NQO2: variants seen among roughly 807,000 people sequenced by gnomAD.
The protein encoded by NQO2 is ribosyldihydronicotinamide dehydrogenase [quinone].
In NQO2, 18 loss-of-function variants were observed where a neutral mutation model predicts 22.0. The ratio of observed to expected loss-of-function variants is 0.82; its 90% CI spans 0.56 to 1.21. The LOEUF (loss-of-function observed/expected upper bound fraction) is 1.21. Ranked by LOEUF, NQO2 falls within the 50% of genes most tolerant of loss-of-function variation. NQO2 has a pLI of 0.00. For missense variants in NQO2, 267 were observed against 286.9 expected, an observed-to-expected ratio of 0.93 and a Z score of 0.50; for synonymous variants, 106 against 110.8, an observed-to-expected ratio of 0.96 and a Z score of 0.28.
chr6:3,000,658 C>T (rs374576252), intron 1 of NQO2, among the ~76,000 whole-genome samples: 29 of 151,948 alleles, frequency 1.9e-4, no homozygotes, highest in East Asian at 9.7e-4. Flanking sequence ...TCTCCTGCCT[C>T]AGCCTCCCGA....
intron 1 of NQO2, among the ~76,000 whole-genome samples, chr6:3,005,453 G>A (rs554741836): frequency 6.6e-6 from 1 of 152,244 alleles, no homozygotes; most frequent in East Asian, 1.9e-4. Flanking sequence ...TGTGATATGG[G>A]ATCTCATTGT....
At chr6:3,002,095 G>A (rs1200648445) in intron 1 of NQO2, 1 of 426,324 alleles carries the variant, frequency 2.3e-6, no homozygotes, top group African/African-American at 2.2e-5. Context: ...CCAGCCATAT[G>A]ATGTAAACAT....
At position 3,012,714 on chromosome 6, in the gene NQO2, C is replaced by T. The variant is rs200881438; in HGVS notation, c.303+40C>T. 1.9e-5 allele frequency: 30 copies of T among 1,584,918 alleles called. No homozygotes were observed. In the East Asian group the frequency reaches 5.8e-4, roughly 31 times the overall value. On this transcript the variant is annotated intron_variant, in intron 4 of 6. Transcript: ENST00000380455. ...AATTAATATATTGAATCAGATTCAT[C>T]TTATGTACAAACTCTTTCTGAATAT...
intron 4 of NQO2, among the ~76,000 whole-genome samples, chr6:3,014,804 C>T (rs916737720): frequency 6.6e-6 from 1 of 151,746 alleles, no homozygotes; most frequent in Non-Finnish European, 1.5e-5. Context: ...ATGCTGTGAG[C>T]TGTGAACTAT....
In NQO2 at chr6:3,013,117, G is replaced by A. The variant is rs986543547; in HGVS notation, c.303+443G>A. Among the ~76,000 whole-genome samples, 10 of 151,596 alleles carry A rather than the reference G, an allele frequency of 6.6e-5. No homozygotes were observed. In the South Asian group the frequency reaches 1.3e-3, roughly 19 times the overall value. On this transcript the variant is annotated intron_variant, in intron 4 of 6. Transcript: ENST00000380455. ...ACTACAGGCGCCCGCCACCACGCCCGGCTAGTTTTTTGTATTTTTAGTAGA... is the reference window on the plus strand; with the variant it reads ...ACTACAGGCGCCCGCCACCACGCCCAGCTAGTTTTTTGTATTTTTAGTAGA...
At chr6:3,009,947 A>C in intron 2 of NQO2, 78 bp from the exon 3 acceptor site, 2 of 1,517,908 alleles carry the variant, frequency 1.3e-6, no homozygotes, top group Non-Finnish European at 1.8e-6. Flanking sequence ...CTGAACATTC[A>C]ATTTTCATCT....
At position 3,009,922 on chromosome 6, in the gene NQO2, A is replaced by G. The variant is rs1480276978; in HGVS notation, c.8-103A>G. ...GAAAATTTGATATTTCTTAGCTTCAATTACTATGATGCACCTGAACATTCA... is the reference window on the plus strand; with the variant it reads ...GAAAATTTGATATTTCTTAGCTTCAGTTACTATGATGCACCTGAACATTCA... On this transcript the variant is annotated intron_variant, in intron 2 of 6. Transcript: ENST00000380455. The G allele has an allele frequency of 6.8e-6, 10 of 1,473,006 alleles. No individual in the cohort carries two copies. In the Admixed American group the frequency reaches 2.2e-4, roughly 32 times the overall value. 91.2% of individuals were successfully genotyped at this position (1,473,006 alleles called of 1,614,324 possible).
At chr6:3,008,308 A>T (rs1443069327) in intron 2 of NQO2, among the ~76,000 whole-genome samples, 2 of 151,764 alleles carry the variant, frequency 1.3e-5, no homozygotes, top group East Asian at 3.9e-4. Flanking sequence ...AATCCCAGCT[A>T]CTCAGGAGGC....
At chr6:3,018,035 C>T (rs578209067) in intron 6 of NQO2, among the ~76,000 whole-genome samples, 1 of 152,274 alleles carries the variant, frequency 6.6e-6, no homozygotes, top group Non-Finnish European at 1.5e-5. Context: ...TAAGTTCATT[C>T]CTTGCTTTTG....
At chr6:3,009,981 G>C (rs1757088648) in intron 2 of NQO2, 44 bp from the exon 3 acceptor site, 1 of 1,574,360 alleles carries the variant, frequency 6.4e-7, no homozygotes, top group African/African-American at 1.4e-5. Context: ...ATTTAACAGA[G>C]AGAGGTTGTT....
rs536997181 is a variant in NQO2, at chr6:3,014,485, C to T, written c.304-1045C>T. ...TCTGCTTCTCCTGTCCCCCTTGGGTCGGCCGGCCACGTGGAGCCCGCTTTC... is the reference window on the plus strand; with the variant it reads ...TCTGCTTCTCCTGTCCCCCTTGGGTTGGCCGGCCACGTGGAGCCCGCTTTC... On this transcript the variant is annotated intron_variant, in intron 4 of 6. Coordinates refer to ENST00000380455, the MANE Select transcript of NQO2 (RefSeq NM_000904.6). Among the ~76,000 whole-genome samples the T allele has an allele frequency of 3.9e-5, 6 of 152,270 alleles. No individual in the cohort carries two copies. In the East Asian group the frequency reaches 7.7e-4, roughly 20 times the overall value.
chr6:3,003,769 A>T (rs1251434377), intron 1 of NQO2: 1 of 946,222 alleles, frequency 1.1e-6, no homozygotes, highest in Non-Finnish European at 1.3e-6. Context: ...CGGTGCTGTG[A>T]TGTACCTTAA....
chr6:3,017,180 G>T (rs541594154), intron 6 of NQO2, among the ~76,000 whole-genome samples, 195 bp downstream of exon 6: 1 of 152,324 alleles, frequency 6.6e-6, no homozygotes, highest in Non-Finnish European at 1.5e-5. Context: ...ATAACATTTT[G>T]CCCCTTTTAA....
intron 5 of NQO2, among the ~76,000 whole-genome samples, chr6:3,016,538 A>AATGGTGCT (rs1224990117): frequency 6.6e-6 from 1 of 152,122 alleles, no homozygotes; most frequent in Admixed American, 6.5e-5. Flanking sequence ...TTGGACCATG[A>AATGGTGCT]ATGGTGCTAC....
Position 3,000,042 on chromosome 6 carries a change from G to T in NQO2, c.-129G>T, listed in dbSNP as rs1315313291. The T allele has an allele frequency of 6.6e-6, 1 of 152,400 alleles. No homozygotes were observed. Among genetic ancestry groups the T allele is most frequent in the African/African-American group, 2.4e-5 (1 of 41,472 alleles). The allele number at this position is 152,400 out of a possible 1,614,324, so 9.4% of individuals were successfully genotyped here. On this transcript the variant is annotated 5_prime_UTR_variant, in exon 1 of 7. Transcript: ENST00000380455. ...TAGAGCGGTCCTTGGGGAGACGCGG[G>T]TCCCAGTCCTGCGGCTCCTACTGGG...
intron 2 of NQO2, among the ~76,000 whole-genome samples, chr6:3,007,709 C>T (rs1756998008): frequency 6.6e-6 from 1 of 152,266 alleles, no homozygotes; most frequent in Non-Finnish European, 1.5e-5. Context: ...GAGGGCCTGA[C>T]TCTTCCTAGA....
chr6:3,014,858 G>C lies in NQO2; in HGVS notation c.304-672G>C, dbSNP rs200173364. 6.0e-4 allele frequency among the ~76,000 whole-genome samples: 92 copies of C among 152,298 alleles called. No homozygotes were observed. The East Asian group carries it at 0.015, about 26-fold the overall frequency. ...AATCAGGAAAAAGGAGGCACAGGGA[G>C]GTCAAGTAACTTGCCAATGTCACAC... On this transcript the variant is annotated intron_variant, in intron 4 of 6. Coordinates refer to ENST00000380455, the MANE Select transcript of NQO2 (RefSeq NM_000904.6).
chr6:3,016,734 T>C, intron 5 of NQO2, 150 bp from the exon 6 acceptor site: 1 of 1,459,288 alleles, frequency 6.9e-7, no homozygotes, highest in Non-Finnish European at 9.1e-7. Flanking sequence ...CATTGTCACC[T>C]ATGGATGGGA....
rs1205797479 is a variant in NQO2 at position 3,000,028 on chromosome 6, T to C, written c.-143T>C. 1.3e-5 allele frequency: 2 copies of C among 152,366 alleles called. No individual in the cohort carries two copies. The highest frequency in any genetic ancestry group is 1.9e-4 in the East Asian group (1 of 5,186). The allele number at this position is 152,366 out of a possible 1,614,324, so 9.4% of individuals were successfully genotyped here. On this transcript the variant is annotated 5_prime_UTR_variant, in exon 1 of 7. Coordinates refer to ENST00000380455, the MANE Select transcript of NQO2 (RefSeq NM_000904.6). ...CCTGGCGCAACTCCTAGAGCGGTCCTTGGGGAGACGCGGGTCCCAGTCCTG... is the reference window on the plus strand; with the variant it reads ...CCTGGCGCAACTCCTAGAGCGGTCCCTGGGGAGACGCGGGTCCCAGTCCTG...
Sources: allele counts gnomAD v4.1 joint callset (sites outside exome capture counted in the v4.1 genomes callset), GRCh38; gene constraint gnomAD v4.1.1; transcripts MANE v1.5; gene names NCBI Gene and HGNC (gene_info 2026-07-23, HGNC 2026-07-21).